Variants in GABRB2 observed in about 807,000 individuals in gnomAD.
The protein encoded by GABRB2 is gamma-aminobutyric acid type A receptor subunit beta2.
A neutral mutation model predicts 54.7 loss-of-function variants in GABRB2; 16 were observed. The ratio of observed to expected loss-of-function variants is 0.29; its 90% CI spans 0.20 to 0.44. GABRB2 has a LOEUF of 0.44. Among genes scored for constraint, GABRB2 ranks in the 20% least tolerant of loss-of-function variants. GABRB2 has a pLI of 1.00. For missense variants in GABRB2, 355 were observed against 644.0 expected, an observed-to-expected ratio of 0.55 and a Z score of 4.86; for synonymous variants, 244 against 233.8, an observed-to-expected ratio of 1.04 and a Z score of -0.40.
intron 5 of GABRB2, among the ~76,000 whole-genome samples, chr5:161,399,920 C>G (rs914958850): frequency 1.3e-5 from 2 of 152,096 alleles, no homozygotes; most frequent in Non-Finnish European, 2.9e-5. Flanking sequence ...AGGGTAGTTA[C>G]TACTGATGGT....
At chr5:161,302,220 G>T (rs1225805829) in intron 9 of GABRB2, among the ~76,000 whole-genome samples, 1 of 152,218 alleles carries the variant, frequency 6.6e-6, no homozygotes, top group African/African-American at 2.4e-5. Flanking sequence ...TTTGGATTAA[G>T]AAGTTTCCTT....
chr5:161,462,153 T>C (rs1022482177), intron 3 of GABRB2, among the ~76,000 whole-genome samples: 4 of 152,310 alleles, frequency 2.6e-5, no homozygotes, highest in Non-Finnish European at 5.9e-5. Flanking sequence ...TCAAAAGACA[T>C]ATTAATATCC....
intron 9 of GABRB2, among the ~76,000 whole-genome samples, chr5:161,302,019 T>G (rs918149136): frequency 1.3e-5 from 2 of 152,218 alleles, no homozygotes; most frequent in Non-Finnish European, 2.9e-5. Flanking sequence ...TGCTGAAATT[T>G]TAAGATGGAC....
At chr5:161,390,836 C>CA (rs1561633684) in intron 5 of GABRB2, among the ~76,000 whole-genome samples, 1 of 152,114 alleles carries the variant, frequency 6.6e-6, no homozygotes, top group Non-Finnish European at 1.5e-5. Context: ...AGCACCATCT[C>CA]AAACTCGCCT....
intron 4 of GABRB2, among the ~76,000 whole-genome samples, chr5:161,414,269 C>G (rs1756599538): frequency 6.6e-6 from 1 of 152,126 alleles, no homozygotes; most frequent in Non-Finnish European, 1.5e-5. Flanking sequence ...CACTTAGTTG[C>G]CTCATCCTGA....
At chr5:161,466,843 C>A (rs1034539832) in intron 3 of GABRB2, among the ~76,000 whole-genome samples, 2 of 152,074 alleles carry the variant, frequency 1.3e-5, no homozygotes, top group African/African-American at 4.8e-5. Context: ...GAGACTTCAG[C>A]ATTTATTATC....
chr5:161,307,380 A>G (rs898273649), intron 9 of GABRB2, among the ~76,000 whole-genome samples: 4 of 152,232 alleles, frequency 2.6e-5, no homozygotes, highest in Non-Finnish European at 5.9e-5. Flanking sequence ...CTCAATAAAT[A>G]TCTGCTGAAA....
chr5:161,387,333 A>G (rs763907847), intron 5 of GABRB2, among the ~76,000 whole-genome samples: 19 of 152,228 alleles, frequency 1.2e-4, no homozygotes, highest in East Asian at 5.8e-4. Flanking sequence ...CAAAATACCA[A>G]TATCACGAAA....
At chr5:161,355,801 A>AT (rs1314143565) in intron 5 of GABRB2, among the ~76,000 whole-genome samples, 5 of 152,112 alleles carry the variant, frequency 3.3e-5, no homozygotes, top group Admixed American at 1.3e-4. Flanking sequence ...AAGCTTTGCC[A>AT]TTTTGCAATA....
In GABRB2 at chr5:161,334,121, G is replaced by C. The variant is rs73797575; in HGVS notation, c.832+631C>G. ...AGTGAACAATTCAACATTTTAAAGG[G>C]AATAGTCAGAATCCATAATAATCAA... On this transcript the variant is annotated intron_variant, in intron 7 of 9. Coordinates refer to ENST00000393959, the MANE Select transcript of GABRB2 (RefSeq NM_001371727.1). Among the ~76,000 whole-genome samples, 616 of 152,078 alleles carry C rather than the reference G, an allele frequency of 4.1e-3. 7 individuals carry two copies. The highest frequency in any genetic ancestry group is 0.013 in the African/African-American group (544 of 41,496).
At chr5:161,481,989 A>T (rs1382322918) in intron 3 of GABRB2, among the ~76,000 whole-genome samples, 1 of 151,998 alleles carries the variant, frequency 6.6e-6, no homozygotes, top group Middle Eastern at 3.2e-3. Flanking sequence ...TTCAAAGAAG[A>T]TAAAATTGAA....
chr5:161,357,260 C>T lies in GABRB2; in HGVS notation c.542-20491G>A, dbSNP rs181020004. On this transcript the variant is annotated intron_variant, in intron 5 of 9. Coordinates refer to ENST00000393959, the MANE Select transcript of GABRB2 (RefSeq NM_001371727.1). ...AACAAAGACTTAAAATGGATGAAGG[C>T]CTCAGTTATAATCCTATCTATAGAA... 1.7e-4 allele frequency among the ~76,000 whole-genome samples: 26 copies of T among 152,102 alleles called. No homozygotes were observed. In the East Asian group the frequency reaches 5.0e-3, roughly 29 times the overall value.
chr5:161,526,508 G>A (rs1760285616), intron 3 of GABRB2, among the ~76,000 whole-genome samples: 1 of 151,232 alleles, frequency 6.6e-6, no homozygotes, highest in East Asian at 1.9e-4. Flanking sequence ...TTCAATTAAG[G>A]GACAACAGAG....
At chr5:161,338,142 C>A (rs1418796056) in intron 5 of GABRB2, among the ~76,000 whole-genome samples, 5 of 151,970 alleles carry the variant, frequency 3.3e-5, no homozygotes, top group Admixed American at 2.6e-4. Flanking sequence ...AAGTAGGATA[C>A]CTTCAATTGG....
intron 3 of GABRB2, among the ~76,000 whole-genome samples, chr5:161,490,940 A>G (rs1294232046): frequency 6.6e-6 from 1 of 151,690 alleles, no homozygotes; most frequent in East Asian, 1.9e-4. Context: ...TCCTCACTCT[A>G]GTATCCAATT....
intron 5 of GABRB2, among the ~76,000 whole-genome samples, chr5:161,371,414 A>G (rs1755129669): frequency 6.6e-6 from 1 of 152,150 alleles, no homozygotes; most frequent in African/African-American, 2.4e-5. Flanking sequence ...ATACAATTCA[A>G]TCTCTTTTAA....
intron 4 of GABRB2, 166 bp downstream of exon 4, chr5:161,459,458 G>T (rs1292386890): frequency 7.9e-6 from 5 of 636,318 alleles, no homozygotes; most frequent in African/African-American, 1.8e-5. Flanking sequence ...AAGTTCCTTT[G>T]TAAGCATGCT....
chr5:161,311,041 T>C (rs1324053759), intron 9 of GABRB2, among the ~76,000 whole-genome samples: 2 of 152,242 alleles, frequency 1.3e-5, no homozygotes, highest in Non-Finnish European at 2.9e-5. Context: ...ATTACAGGTA[T>C]GAGCCACCAC....
chr5:161,361,164 A>C (rs1754798920), intron 5 of GABRB2, among the ~76,000 whole-genome samples: 1 of 152,094 alleles, frequency 6.6e-6, no homozygotes, highest in African/African-American at 2.4e-5. Flanking sequence ...AATGAGAGAC[A>C]ATTACAATTG....
Sources: gnomAD v4.1 joint callset for allele counts (sites outside exome capture counted in the v4.1 genomes callset) on GRCh38, gnomAD v4.1.1 for gene constraint, MANE v1.5 for transcripts, NCBI Gene and HGNC (gene_info 2026-07-23, HGNC 2026-07-21) for gene names.